Variants in ANKRD36 observed in about 807,000 individuals in gnomAD.
ANKRD36 encodes ankyrin repeat domain-containing protein 36A.
Under a neutral mutation model 278.1 loss-of-function variants are expected in ANKRD36, and 179 were observed. The observed-to-expected ratio is 0.64, with a 90% CI of 0.57 to 0.73. The LOEUF is 0.73. ANKRD36 is among the 30% of genes least tolerant of loss of function. The pLI is 0.00. For synonymous variants in ANKRD36, 320 were observed against 641.1 expected (o/e 0.50, Z 7.57); for missense variants, 1,159 against 1,956.7 (o/e 0.59, Z 7.69).
At chr2:97,171,095 T>G (rs1348074452) in intron 22 of ANKRD36, among the ~76,000 whole-genome samples, 6 of 142,370 alleles carry the variant, frequency 4.2e-5, no homozygotes, top group Non-Finnish European at 7.7e-5. Flanking sequence ...ACTTTTACAC[T>G]GTTGGTGGGA....
In ANKRD36 at chr2:97,146,514, C is replaced by A. The variant is rs1171147244; in HGVS notation, c.1032C>A (p.Asn344Lys). Residue 344 changes from asparagine (N) to lysine (K), a missense_variant and splice_region_variant, in exon 11 of 76, where the codon AAC becomes AAA. Physicochemically the swap from Asn to Lys is moderately conservative, Grantham distance 94 (BLOSUM62 0). Transcript: ENST00000420699. ...TTCCTGCTGTTGAACAGTGTTTAAACAGGTATGATTTTACAGATTTTTTAA... is the reference window on the plus strand; with the variant it reads ...TTCCTGCTGTTGAACAGTGTTTAAAAAGGTATGATTTTACAGATTTTTTAA... Reference protein sequence around the residue: ...TVLPAVEQCLNRSLYRPDAVA... With the variant: ...TVLPAVEQCLKRSLYRPDAVA... The A allele has an allele frequency of 2.0e-6, 3 of 1,518,560 alleles. No individual in the cohort carries two copies. The highest frequency in any genetic ancestry group is 1.4e-5 in the African/African-American group (1 of 72,308). 94.1% of individuals were successfully genotyped at this position (1,518,560 alleles called of 1,614,324 possible).
chr2:97,183,692 A>C (rs764320161), intron 28 of ANKRD36, 38 bp downstream of exon 28: 9 of 1,542,722 alleles, frequency 5.8e-6, no homozygotes, highest in Non-Finnish European at 6.1e-6. Context: ...ATGTGCACTC[A>C]AGACAGAAGA....
chr2:97,192,276 G>A (rs2058688026), intron 36 of ANKRD36, among the ~76,000 whole-genome samples: 1 of 151,672 alleles, frequency 6.6e-6, no homozygotes, highest in Non-Finnish European at 1.5e-5. Flanking sequence ...CACCACATGG[G>A]TGTGAGAGAT....
chr2:97,212,210 G>A (rs1273157035), intron 58 of ANKRD36, among the ~76,000 whole-genome samples: 2 of 151,904 alleles, frequency 1.3e-5, no homozygotes, highest in Non-Finnish European at 2.9e-5. Flanking sequence ...GGGATTGTGA[G>A]TCAGGAAGGA....
At chr2:97,228,369 G>C (rs1558941250) in intron 67 of ANKRD36, among the ~76,000 whole-genome samples, 1 of 152,072 alleles carries the variant, frequency 6.6e-6, no homozygotes, top group Admixed American at 6.6e-5. Context: ...TCTTGGGAGT[G>C]TGTATGTGTC....
intron 67 of ANKRD36, among the ~76,000 whole-genome samples, chr2:97,228,031 G>T (rs1413246500): frequency 6.6e-6 from 1 of 152,062 alleles, no homozygotes; most frequent in Non-Finnish European, 1.5e-5. Context: ...TGCTGGATTT[G>T]GTTTGCCCAT....
intron 22 of ANKRD36, among the ~76,000 whole-genome samples, chr2:97,176,614 A>G (rs904902235): frequency 2.0e-5 from 3 of 148,844 alleles, no homozygotes; most frequent in African/African-American, 7.3e-5. Context: ...TGGAGCATTT[A>G]GTCCATTTAC....
intron 67 of ANKRD36, among the ~76,000 whole-genome samples, chr2:97,228,738 A>G (rs2070830611): frequency 6.6e-6 from 1 of 151,276 alleles, no homozygotes; most frequent in Non-Finnish European, 1.5e-5. Context: ...TAGGGTGTCA[A>G]TTTTGGATCT....
At chr2:97,215,586 G>C (rs1224783178) in intron 62 of ANKRD36, 89 bp downstream of exon 62, 4 of 1,574,740 alleles carry the variant, frequency 2.5e-6, no homozygotes, top group Admixed American at 3.8e-5. Flanking sequence ...GTTCATTGAA[G>C]TTTTATGTTT....
intron 22 of ANKRD36, among the ~76,000 whole-genome samples, chr2:97,177,574 G>A (rs1305599746): frequency 6.6e-6 from 1 of 151,902 alleles, no homozygotes; most frequent in Non-Finnish European, 1.5e-5. Context: ...ACAAGCAATG[G>A]GGAAAGGATT....
chr2:97,231,961 T>G (rs1238419148), intron 67 of ANKRD36, among the ~76,000 whole-genome samples: 9 of 152,182 alleles, frequency 5.9e-5, no homozygotes, highest in African/African-American at 2.2e-4. Flanking sequence ...ATCTCCTAAT[T>G]CATTTTTGGG....
intron 23 of ANKRD36, 44 bp downstream of exon 23, chr2:97,179,810 T>A: frequency 6.3e-7 from 1 of 1,598,722 alleles, no homozygotes; most frequent in Non-Finnish European, 8.5e-7. Context: ...AACTGTATAG[T>A]CTATGAAACC....
At chr2:97,159,466 C>T (rs923214323) in intron 17 of ANKRD36, among the ~76,000 whole-genome samples, 2 of 151,548 alleles carry the variant, frequency 1.3e-5, no homozygotes, top group African/African-American at 4.8e-5. Flanking sequence ...AAATTTCATC[C>T]TCACTTTTTT....
chr2:97,197,111 G>C (rs1410665152), intron 42 of ANKRD36, among the ~76,000 whole-genome samples: 22 of 151,912 alleles, frequency 1.4e-4, no homozygotes, highest in Non-Finnish European at 1.5e-4. Flanking sequence ...AGGAGAAAGA[G>C]AGGAAGTATC....
In ANKRD36 at chr2:97,196,716, G is replaced by A. The variant is rs1254210784; in HGVS notation, c.2581G>A (p.Gly861Ser). The change falls in exon 42 of 76, where the codon GGT (glycine) becomes AGT (serine). Residue 861 changes from glycine (G) to serine (S), a missense_variant and splice_region_variant. Transcript: ENST00000420699. ...VSSQKPPTLKGTSDEEDSVLG... is the reference protein window; with the variant it reads ...VSSQKPPTLKSTSDEEDSVLG... ...TTATTTCGTTTCAAATTCCATTCAG[G>A]GTACAAGTGACGAGGAAGATTCTGT... 3.2e-6 allele frequency: 5 copies of A among 1,565,558 alleles called. No homozygotes were observed. Among genetic ancestry groups the A allele is most frequent in the Middle Eastern group, 1.7e-4 (1 of 6,002 alleles).
chr2:97,195,500 G>A (rs1208073344), intron 40 of ANKRD36, among the ~76,000 whole-genome samples: 4 of 151,996 alleles, frequency 2.6e-5, no homozygotes, highest in South Asian at 2.1e-4. Flanking sequence ...TTTGATTTTG[G>A]CAGCTCCAGC....
At chr2:97,142,166 G>A (rs1330845063) in intron 6 of ANKRD36, among the ~76,000 whole-genome samples, 2 of 151,912 alleles carry the variant, frequency 1.3e-5, no homozygotes, top group Admixed American at 6.5e-5. Flanking sequence ...CAGCTGAAGT[G>A]TCATCGTAAT....
Position 97,187,373 on chromosome 2 carries a change from A to C in ANKRD36, c.2115A>C (p.Glu705Asp), listed in dbSNP as rs545215094. ...ACTCTGTTTCGAATATAGCCACAGA[A>C]ATAAAGGATGGAGAAAAATCTGGGA... Reference protein sequence around the residue: ...EEDSVSNIATEIKDGEKSGTV... With the variant: ...EEDSVSNIATDIKDGEKSGTV... Residue 705 changes from glutamate (E) to aspartate (D), a missense_variant, in exon 32 of 76, where the codon GAA becomes GAC. Transcript: ENST00000420699. 2.7e-5 allele frequency: 43 copies of C among 1,608,640 alleles called. 1 individual carries two copies. The South Asian group carries it at 4.6e-4, about 17-fold the overall frequency.
chr2:97,137,730 A>G (rs1231613769), intron 6 of ANKRD36, among the ~76,000 whole-genome samples: 1 of 152,088 alleles, frequency 6.6e-6, no homozygotes, highest in Non-Finnish European at 1.5e-5. Flanking sequence ...CCAACAGTGT[A>G]AAAGCATTCC....
Sources: gnomAD v4.1 joint callset for allele counts (sites outside exome capture counted in the v4.1 genomes callset) on GRCh38, gnomAD v4.1.1 for gene constraint, MANE v1.5 for transcripts, NCBI Gene and HGNC (gene_info 2026-07-23, HGNC 2026-07-21) for gene names.